The following FREM1 variants were observed in gnomAD, a reference collection of about 807,000 sequenced individuals.
FREM1 encodes FRAS1-related extracellular matrix protein 1.
Under a neutral mutation model 210.1 loss-of-function variants are expected in FREM1, and 220 were observed. The observed-to-expected ratio is 1.05, with a 90% CI of 0.94 to 1.17. FREM1 has a LOEUF of 1.17. FREM1 is among the 50% of genes most tolerant of loss of function. FREM1 has a pLI of 0.00. For missense variants in FREM1, 3,454 were observed against 2,675.5 expected, an observed-to-expected ratio of 1.29 and a Z score of -6.42; for synonymous variants, 1,189 against 980.2, an observed-to-expected ratio of 1.21 and a Z score of -3.98.
rs1238149493 is a variant in FREM1 at position 14,797,656 on chromosome 9, A to C, written c.3695-14T>G. 1 of 1,602,426 alleles carries C rather than the reference A, an allele frequency of 6.2e-7. No individual in the cohort carries two copies. Among genetic ancestry groups the C allele is most frequent in the African/African-American group, 1.3e-5 (1 of 74,602 alleles). On this transcript the variant is annotated splice_polypyrimidine_tract_variant and intron_variant, in intron 20 of 36. Coordinates refer to ENST00000380880, the MANE Select transcript of FREM1 (RefSeq NM_001379081.2). Reference sequence around the variant, plus strand: ...TCAACCTCATTCCTGGAAGAAGGAAAAAAAATAAGTAAATCTTCCTTATGA... The same window carrying C: ...TCAACCTCATTCCTGGAAGAAGGAACAAAAATAAGTAAATCTTCCTTATGA...
chr9:14,879,751 A>ACTTCCATTCGGTAGAGTTGCTT (rs1834448797), intron 1 of FREM1, among the ~76,000 whole-genome samples: 2 of 152,240 alleles, frequency 1.3e-5, no homozygotes, highest in African/African-American at 4.8e-5. Flanking sequence ...TCGGTAAAGC[A>ACTTCCATTCGGTAGAGTTGCTT]ACTCTAAAGG....
rs752521454 is a variant in FREM1, at chr9:14,775,967, G to T, written c.4679C>A (p.Thr1560Lys). 4 of 1,613,860 alleles carry T rather than the reference G, an allele frequency of 2.5e-6. No homozygotes were observed. Among genetic ancestry groups the T allele is most frequent in the Non-Finnish European group, 3.4e-6 (4 of 1,179,900 alleles). The change falls in exon 25 of 37, where the codon ACA becomes AAA. Residue 1560 changes from threonine (T) to lysine (K), a missense_variant. By Grantham distance (78) the Thr-to-Lys change is moderately conservative. Transcript: ENST00000380880. ...GGTGAAATTGTGTTGAAGTAGCCCT[G>T]TCCCCCACAGGTAGAGCTGGCCATG... ...PQHGQLYLWGTGLLQHNFTQQ... is the reference protein window; with the variant it reads ...PQHGQLYLWGKGLLQHNFTQQ...
chr9:14,787,101 T>C (rs1850540647), intron 23 of FREM1, among the ~76,000 whole-genome samples: 1 of 152,136 alleles, frequency 6.6e-6, no homozygotes, highest in African/African-American at 2.4e-5. Flanking sequence ...AACACAGCAG[T>C]TGGGAAGCTT....
intron 1 of FREM1, among the ~76,000 whole-genome samples, chr9:14,903,814 C>CT (rs140462798): frequency 0.027 from 4,114 of 152,204 alleles, 193 homozygotes; most frequent in African/African-American, 0.092. Flanking sequence ...TCTTTGAGCT[C>CT]TTTCTATTAA....
At chr9:14,803,070 T>TCTAG (rs201479215) in intron 19 of FREM1, among the ~76,000 whole-genome samples, 1 of 142,792 alleles carries the variant, frequency 7.0e-6, no homozygotes, top group African/African-American at 2.6e-5. Context: ...CTTTTCTTTC[T>TCTAG]TTCTCTTTCC....
At chr9:14,871,055 G>T (rs200082031) in intron 1 of FREM1, among the ~76,000 whole-genome samples, 1 of 151,854 alleles carries the variant, frequency 6.6e-6, no homozygotes, top group East Asian at 1.9e-4. Flanking sequence ...AGTCTATCAT[G>T]GCTGGACATT....
At chr9:14,749,419 G>GA (rs1257330193) in intron 30 of FREM1, among the ~76,000 whole-genome samples, 1 of 151,906 alleles carries the variant, frequency 6.6e-6, no homozygotes, top group Non-Finnish European at 1.5e-5. Flanking sequence ...TTCCAGGCAA[G>GA]AAAAAAATAT....
chr9:14,902,847 AT>A (rs1839027403), intron 1 of FREM1, among the ~76,000 whole-genome samples: 1 of 152,176 alleles, frequency 6.6e-6, no homozygotes, highest in South Asian at 2.1e-4. Context: ...TACATATTTT[AT>A]TTTACTTCCT....
At chr9:14,795,434 G>A (rs1026159440) in intron 21 of FREM1, among the ~76,000 whole-genome samples, 5 of 152,170 alleles carry the variant, frequency 3.3e-5, no homozygotes, top group African/African-American at 1.2e-4. Flanking sequence ...AAATGAAAAG[G>A]GAGAGACTGA....
In FREM1 at chr9:14,856,592, G is replaced by C. The variant is rs906209646; in HGVS notation, c.828+961C>G. Among the ~76,000 whole-genome samples, 66 of 152,124 alleles carry C rather than the reference G, an allele frequency of 4.3e-4. 1 individual carries two copies. The highest frequency in any genetic ancestry group is 1.2e-4 in the Non-Finnish European group (8 of 68,026). On this transcript the variant is annotated intron_variant, in intron 5 of 36. Transcript: ENST00000380880. ...CACAAAATCTCAGCTGTTTCACTTT[G>C]GGAGGGTGAGGCAGGTGGATCACGA...
chr9:14,746,501 T>G, intron 34 of FREM1, 33 bp from the exon 35 acceptor site: 1 of 1,537,102 alleles, frequency 6.5e-7, no homozygotes. Flanking sequence ...CATATCATAA[T>G]GGTCTTTACA....
chr9:14,846,169 C>G (rs1826570642), intron 7 of FREM1, 78 bp from the exon 8 acceptor site: 1 of 1,174,992 alleles, frequency 8.5e-7, no homozygotes, highest in African/African-American at 1.5e-5. Context: ...CCATGGAATA[C>G]TATGCAGCCA....
At chr9:14,858,017 C>T (rs989726882) in intron 4 of FREM1, among the ~76,000 whole-genome samples, 1 of 152,124 alleles carries the variant, frequency 6.6e-6, no homozygotes, top group African/African-American at 2.4e-5. Flanking sequence ...TTGTCTGAGG[C>T]TTGAACATCT....
In FREM1 at chr9:14,818,979, C is replaced by T. The variant is rs190944477; in HGVS notation, c.2546+255G>A. Among the ~76,000 whole-genome samples, 256 of 152,126 alleles carry T rather than the reference C, an allele frequency of 1.7e-3. 1 individual carries two copies. Among genetic ancestry groups the T allele is most frequent in the African/African-American group, 2.3e-3 (94 of 41,508 alleles). On this transcript the variant is annotated intron_variant, in intron 14 of 36. Coordinates refer to ENST00000380880, the MANE Select transcript of FREM1 (RefSeq NM_001379081.2). ...GCAGTTACTGCCAATTTAATATTCA[C>T]GGCAATTAAATTTTTATTGTTCAAA...
chr9:14,796,513 T>C (rs1454993204), intron 21 of FREM1, among the ~76,000 whole-genome samples: 1 of 152,192 alleles, frequency 6.6e-6, no homozygotes, highest in Non-Finnish European at 1.5e-5. Context: ...CTCTGAGCAC[T>C]TACAGAGAGA....
chr9:14,784,585 T>G lies in FREM1; in HGVS notation c.4227A>C (p.Arg1409Ser). 6.2e-7 allele frequency: 1 copy of G among 1,609,590 alleles called. No individual in the cohort carries two copies. The highest frequency in any genetic ancestry group is 1.1e-5 in the South Asian group (1 of 90,208). Residue 1409 changes from arginine (R) to serine (S), a missense_variant, in exon 24 of 37, where the codon AGA becomes AGC. Arg to Ser is a moderately radical substitution (Grantham distance 110). Coordinates refer to ENST00000380880, the MANE Select transcript of FREM1 (RefSeq NM_001379081.2). ...TKPLVVSKGD[R>S]GFLTTTTLLA... ...GGAGCGTGGTGGTTGTTAAGAAACC[T>G]CTATCACCTTTAGACACCACGAGTG...
intron 20 of FREM1, among the ~76,000 whole-genome samples, chr9:14,801,062 G>A (rs970270520): frequency 1.3e-5 from 2 of 152,098 alleles, no homozygotes; most frequent in Admixed American, 1.3e-4. Context: ...GCAGTGGCAC[G>A]ATCTCGGCTC....
intron 27 of FREM1, among the ~76,000 whole-genome samples, chr9:14,763,027 G>C (rs3747534): frequency 0.1 from 15,182 of 152,182 alleles, 819 homozygotes; most frequent in Non-Finnish European, 0.11. Context: ...CATTTTAACA[G>C]TGCTTCCAGT....
chr9:14,747,634 TG>T, intron 32 of FREM1, 46 bp downstream of exon 32: 1 of 1,137,322 alleles, frequency 8.8e-7, no homozygotes, highest in Non-Finnish European at 1.2e-6. Context: ...ATTAAATACT[TG>T]CATCCATAAA....
Sources: gnomAD v4.1 joint callset for allele counts (sites outside exome capture counted in the v4.1 genomes callset) on GRCh38, gnomAD v4.1.1 for gene constraint, MANE v1.5 for transcripts, NCBI Gene and HGNC (gene_info 2026-07-23, HGNC 2026-07-21) for gene names.